The following CNR2 variants were observed in gnomAD, a reference collection of about 807,000 sequenced individuals.
The protein encoded by CNR2 is cannabinoid receptor 2 (macrophage).
For synonymous variants in CNR2, 172 were observed against 182.2 expected (o/e 0.94, Z 0.45); for missense variants, 379 against 439.9 (o/e 0.86, Z 1.24).
intron 1 of CNR2, 132 bp from the exon 2 acceptor site, chr1:23,875,794 G>A (rs1639865172): frequency 3.9e-6 from 3 of 778,340 alleles, no homozygotes; most frequent in Non-Finnish European, 5.9e-6. Context: ...TTTCTGTTTT[G>A]TTTGCCTGTA....
In CNR2 at chr1:23,875,490, A is replaced by G; in HGVS notation, c.128T>C (p.Leu43Pro). The change falls in exon 2 of 2, where the codon CTG becomes CCG. Residue 43 changes from leucine (L) to proline (P), a missense_variant. Physicochemically the swap from Leu to Pro is moderately conservative, Grantham distance 98. Coordinates refer to ENST00000374472, the MANE Select transcript of CNR2 (RefSeq NM_001841.3). ...KTAVAVLCTLLGLLSALENVA... is the reference protein window; with the variant it reads ...KTAVAVLCTLPGLLSALENVA... ...GTTCTCCAGGGCACTTAGCAGGCCC[A>G]GAAGAGTGCACAACACAGCAACAGC... 1 of 1,614,222 alleles carries G rather than the reference A, an allele frequency of 6.2e-7. No individual in the cohort carries two copies. The highest frequency in any genetic ancestry group is 1.1e-5 in the South Asian group (1 of 91,088).
At chr1:23,907,358 C>T (rs1301325806) in intron 1 of CNR2, among the ~76,000 whole-genome samples, 9 of 147,112 alleles carry the variant, frequency 6.1e-5, no homozygotes, top group Non-Finnish European at 1.2e-4. Flanking sequence ...TGCAGTGAGC[C>T]GAGATCGCGC....
In CNR2 at chr1:23,898,282, C is replaced by G. The variant is rs192231458; in HGVS notation, c.-46+14964G>C. Among the ~76,000 whole-genome samples, 1,286 of 150,210 alleles carry G rather than the reference C, an allele frequency of 8.6e-3. 13 individuals are homozygous for G. The highest frequency in any genetic ancestry group is 0.028 in the Middle Eastern group (8 of 288). ...TTGATCTCCTGACCTTGTGATCCGC[C>G]CGCCTCAGCCTCCCAAAGTGCTGGG... is the stretch of plus-strand genomic sequence containing the variant. On this transcript the variant is annotated intron_variant, in intron 1 of 1. Transcript: ENST00000374472.
chr1:23,911,636 C>T (rs185466731), intron 1 of CNR2, among the ~76,000 whole-genome samples: 3 of 152,126 alleles, frequency 2.0e-5, no homozygotes, highest in Middle Eastern at 3.4e-3. Context: ...TATGCACACC[C>T]GAGGGTGTGC....
chr1:23,880,487 T>C lies in CNR2; in HGVS notation c.-45-4825A>G, dbSNP rs528194050. ...CTGCACCTAGCCCAACCTCCAGCTC[T>C]TTTGCTTTTCTTTACACTGACCTCG... On this transcript the variant is annotated intron_variant, in intron 1 of 1. Coordinates refer to ENST00000374472, the MANE Select transcript of CNR2 (RefSeq NM_001841.3). Among the ~76,000 whole-genome samples, 11 of 152,258 alleles carry C rather than the reference T, an allele frequency of 7.2e-5. No individual in the cohort carries two copies. In the East Asian group the frequency reaches 2.1e-3, roughly 29 times the overall value.
At chr1:23,876,770 G>T (rs1301597300) in intron 1 of CNR2, among the ~76,000 whole-genome samples, 1 of 151,554 alleles carries the variant, frequency 6.6e-6, no homozygotes, top group Non-Finnish European at 1.5e-5. Context: ...AGGAGGCAGA[G>T]GTTGCAGTGA....
At chr1:23,889,132 C>T (rs1471815743) in intron 1 of CNR2, among the ~76,000 whole-genome samples, 1 of 152,142 alleles carries the variant, frequency 6.6e-6, no homozygotes, top group Non-Finnish European at 1.5e-5. Flanking sequence ...AGCCTACAGC[C>T]TGGTTCATAC....
intron 1 of CNR2, among the ~76,000 whole-genome samples, chr1:23,890,965 A>G (rs1377056118): frequency 2.0e-5 from 3 of 150,076 alleles, no homozygotes; most frequent in Non-Finnish European, 4.4e-5. Context: ...TGCAACCTCA[A>G]CTTCCCAGGT....
chr1:23,883,641 A>G (rs918536350), intron 1 of CNR2, among the ~76,000 whole-genome samples: 2 of 152,144 alleles, frequency 1.3e-5, no homozygotes, highest in African/African-American at 4.8e-5. Flanking sequence ...CCTTGGCAAC[A>G]CGGTGAAACC....
intron 1 of CNR2, among the ~76,000 whole-genome samples, chr1:23,907,530 G>T (rs888914184): frequency 2.0e-5 from 3 of 151,500 alleles, no homozygotes; most frequent in Admixed American, 1.3e-4. Flanking sequence ...TTGCTTTGTT[G>T]CCCGGGCTGA....
chr1:23,879,010 G>A (rs919501168), intron 1 of CNR2, among the ~76,000 whole-genome samples: 9 of 152,180 alleles, frequency 5.9e-5, no homozygotes, highest in Middle Eastern at 3.4e-3. Context: ...TCAACCCAAA[G>A]GGAAGAAAAG....
rs35692845 is a variant in CNR2 at position 23,890,258 on chromosome 1, C to CAAA, written c.-45-14599_-45-14597dup. ...CGGGCTACAGAGTGAGACCTTGTCT[C>CAAA]AAAAAAAAAAAAAAAAGAAAAGAAA... On this transcript the variant is annotated intron_variant, in intron 1 of 1. Transcript: ENST00000374472. 2.4e-3 allele frequency among the ~76,000 whole-genome samples: 183 copies of CAAA among 74,938 alleles called. 2 individuals carry two copies. Among genetic ancestry groups the CAAA allele is most frequent in the Admixed American group, 4.3e-3 (24 of 5,616 alleles). The allele number at this position is 74,938 out of a possible 152,430, so 49.2% of individuals were successfully genotyped here. A position where few individuals can be genotyped will look rare whatever the true frequency, so the allele number is the denominator to read the frequency against.
At chr1:23,901,444 C>T (rs61778213) in intron 1 of CNR2, 276,131 of 1,523,996 alleles carry the variant, frequency 0.18, 27,049 homozygotes, top group East Asian at 0.35. Context: ...ATCCACTCGC[C>T]GACCTGCTGC....
chr1:23,901,862 C>A, intron 1 of CNR2: 14 of 1,609,424 alleles, frequency 8.7e-6, no homozygotes, highest in Non-Finnish European at 1.2e-5. Flanking sequence ...GCTGTCGCAG[C>A]GCCCGCAGTA....
intron 1 of CNR2, among the ~76,000 whole-genome samples, chr1:23,889,316 A>G (rs1021104230): frequency 6.6e-6 from 1 of 152,042 alleles, no homozygotes; most frequent in Non-Finnish European, 1.5e-5. Flanking sequence ...AGAGAATGAT[A>G]CCCTGCCTGT....
At chr1:23,875,760 A>G in intron 1 of CNR2, 98 bp from the exon 2 acceptor site, 1 of 942,048 alleles carries the variant, frequency 1.1e-6, no homozygotes, top group South Asian at 1.8e-5. Context: ...ACCTGTATGG[A>G]TGGATTCTAT....
At chr1:23,887,416 C>T (rs1570709658) in intron 1 of CNR2, among the ~76,000 whole-genome samples, 1 of 152,200 alleles carries the variant, frequency 6.6e-6, no homozygotes, top group Admixed American at 6.5e-5. Context: ...AGAATTCAGC[C>T]TAGAAGAGGG....
chr1:23,882,934 A>G (rs1640018601), intron 1 of CNR2, among the ~76,000 whole-genome samples: 2 of 152,144 alleles, frequency 1.3e-5, no homozygotes. Context: ...AAGAAAGCAG[A>G]AGACAGAAAT....
chr1:23,900,434 C>T (rs1468461302), intron 1 of CNR2, among the ~76,000 whole-genome samples: 1 of 152,066 alleles, frequency 6.6e-6, no homozygotes, highest in African/African-American at 2.4e-5. Context: ...AGGTGAACCC[C>T]TAGAGGCTTA....
Sources: allele counts gnomAD v4.1 joint callset (sites outside exome capture counted in the v4.1 genomes callset), GRCh38; gene constraint gnomAD v4.1.1; transcripts MANE v1.5; gene names NCBI Gene and HGNC (gene_info 2026-07-23, HGNC 2026-07-21).